CTSH: variants seen among roughly 807,000 people sequenced by gnomAD.
CTSH encodes pro-cathepsin H.
A neutral mutation model predicts 56.3 loss-of-function variants in CTSH; 52 were observed. The observed-to-expected ratio is 0.92, with a 90% CI of 0.74 to 1.16. The LOEUF (loss-of-function observed/expected upper bound fraction) is 1.16, where lower values mean the gene tolerates loss of function less well. Among genes scored for constraint, CTSH ranks in the 50% most tolerant of loss-of-function variants. The probability of loss-of-function intolerance (pLI) is 0.00; values close to 1 mark genes in which losing one functional copy is unlikely to be tolerated. For synonymous variants in CTSH, 174 were observed against 155.7 expected (o/e 1.12, Z -0.88); for missense variants, 406 against 424.5 (o/e 0.96, Z 0.38).
At chr15:78,923,631 C>G (rs1212801394) in intron 10 of CTSH, among the ~76,000 whole-genome samples, 2 of 152,138 alleles carry the variant, frequency 1.3e-5, no homozygotes, top group Admixed American at 6.5e-5. Context: ...AGGAGAATCT[C>G]CATATGGTGC....
intron 3 of CTSH, 45 bp downstream of exon 3, chr15:78,937,273 A>T: frequency 6.5e-7 from 1 of 1,544,758 alleles, no homozygotes; most frequent in Non-Finnish European, 8.9e-7. Flanking sequence ...GGGCTGGGTC[A>T]CTAACTGACA....
chr15:78,931,381 A>G, intron 7 of CTSH, 70 bp downstream of exon 7: 4 of 1,594,296 alleles, frequency 2.5e-6, no homozygotes, highest in Non-Finnish European at 3.4e-6. Context: ...GACCCAGCAC[A>G]CACTGGATCC....
intron 10 of CTSH, among the ~76,000 whole-genome samples, chr15:78,924,096 C>CGG (rs71148579): frequency 2.7e-4 from 7 of 26,194 alleles, no homozygotes; most frequent in African/African-American, 6.5e-4. Flanking sequence ...TCCAACCCAG[C>CGG]GGGGGGGGGG....
At chr15:78,938,033 G>C (rs1188877984) in intron 2 of CTSH, among the ~76,000 whole-genome samples, 2 of 151,602 alleles carry the variant, frequency 1.3e-5, no homozygotes, top group East Asian at 4.2e-4. Flanking sequence ...GCTTACTACA[G>C]TTGAATCTAC....
intron 3 of CTSH, 194 bp downstream of exon 3, chr15:78,937,124 T>TA (rs1199161093): frequency 1.7e-6 from 1 of 581,598 alleles, no homozygotes; most frequent in African/African-American, 1.9e-5. Flanking sequence ...CCCAGAGGGG[T>TA]ACCGGCTTTG....
Position 78,937,438 on chromosome 15 carries a change from G to A in CTSH, c.124-15C>T, listed in dbSNP as rs756970564. Reference sequence around the variant, plus strand: ...GTCTTACGGTGCTAAAACAAAACACGCCAGTAGCAAGTCATGGAAACAGGC... The same window carrying A: ...GTCTTACGGTGCTAAAACAAAACACACCAGTAGCAAGTCATGGAAACAGGC... On this transcript the variant is annotated splice_polypyrimidine_tract_variant and intron_variant, in intron 2 of 11. Coordinates refer to ENST00000220166, the MANE Select transcript of CTSH (RefSeq NM_004390.5). 9 of 1,603,454 alleles carry A rather than the reference G, an allele frequency of 5.6e-6. No homozygotes were observed. The East Asian group carries it at 6.7e-5, about 12-fold the overall frequency.
At chr15:78,929,060 C>T (rs548672843) in intron 8 of CTSH, among the ~76,000 whole-genome samples, 1 of 151,742 alleles carries the variant, frequency 6.6e-6, no homozygotes, top group Admixed American at 6.6e-5. Context: ...CACAAGAGGC[C>T]AACTGCATGG....
At chr15:78,925,684 A>G (rs2054889303) in intron 9 of CTSH, 1 of 431,008 alleles carries the variant, frequency 2.3e-6, no homozygotes, top group Non-Finnish European at 4.4e-6. Context: ...CACGGGGTAC[A>G]GCGTGGACCT....
At chr15:78,934,805 A>T in intron 5 of CTSH, 173 bp downstream of exon 5, 1 of 700,864 alleles carries the variant, frequency 1.4e-6, no homozygotes, top group Non-Finnish European at 2.6e-6. Flanking sequence ...CAGCCTAGAG[A>T]AGTGCTGACC....
In CTSH at chr15:78,921,708, G is replaced by A. The variant is rs2054771175; in HGVS notation, c.*422C>T. 1 of 160,370 alleles carries A rather than the reference G, an allele frequency of 6.2e-6. No homozygotes were observed. Among genetic ancestry groups the A allele is most frequent in the African/African-American group, 2.4e-5 (1 of 41,670 alleles). The allele number at this position is 160,370 out of a possible 1,614,324, so 9.9% of individuals were successfully genotyped here. ...GGACACCCCCTGATGCCTCCCTCCTGGGAGACTGAGTGGCGAGGACAGACC... is the reference window on the plus strand; with the variant it reads ...GGACACCCCCTGATGCCTCCCTCCTAGGAGACTGAGTGGCGAGGACAGACC... On this transcript the variant is annotated 3_prime_UTR_variant, in exon 12 of 12. Coordinates refer to ENST00000220166, the MANE Select transcript of CTSH (RefSeq NM_004390.5).
At chr15:78,943,841 G>T (rs1349904223) in intron 1 of CTSH, among the ~76,000 whole-genome samples, 1 of 152,262 alleles carries the variant, frequency 6.6e-6, no homozygotes, top group Non-Finnish European at 1.5e-5. Context: ...CTCAGCGCCA[G>T]CCTTCTCCAG....
At position 78,927,595 on chromosome 15, in the gene CTSH, G is replaced by A. The variant is rs112573194; in HGVS notation, c.699+118C>T. 20 of 877,442 alleles carry A rather than the reference G, an allele frequency of 2.3e-5. 1 individual carries two copies. The highest frequency in any genetic ancestry group is 1.6e-4 in the African/African-American group (10 of 61,024). The allele number at this position is 877,442 out of a possible 1,614,324, so 54.4% of individuals were successfully genotyped here. A position where few individuals can be genotyped will look rare whatever the true frequency, so the allele number is the denominator to read the frequency against. On this transcript the variant is annotated intron_variant, in intron 9 of 11. Coordinates refer to ENST00000220166, the MANE Select transcript of CTSH (RefSeq NM_004390.5). ...TGAGACCCAGGGATAATATGAACTC[G>A]TCAAAGGGATGTGCTGCCAGAAGGG...
rs1406607228 is a variant in CTSH, at chr15:78,923,138, AAG to A, written c.807-22_807-21del. ...GAAGTACTGGAAAACAAAATTCAAA[AAG>A]AGGTGATCATATGGGAAGGATAAAA... On this transcript the variant is annotated intron_variant, in intron 10 of 11. Transcript: ENST00000220166. 6.2e-7 allele frequency: 1 copy of A among 1,612,784 alleles called. No individual in the cohort carries two copies.
rs146346702 is a variant in CTSH at position 78,933,606 on chromosome 15, G to A, written c.406-1148C>T. The A allele has an allele frequency of 5.8e-4, 259 of 446,090 alleles. 4 individuals are homozygous for A. In the East Asian group the frequency reaches 0.014, roughly 24 times the overall value. The allele number at this position is 446,090 out of a possible 1,614,324, so 27.6% of individuals were successfully genotyped here. A position where few individuals can be genotyped will look rare whatever the true frequency, so the allele number is the denominator to read the frequency against. On this transcript the variant is annotated intron_variant, in intron 5 of 11. Coordinates refer to ENST00000220166, the MANE Select transcript of CTSH (RefSeq NM_004390.5). ...TGAGAGGGTCCATGAGACAGTCAAC[G>A]AGGCAGACGTGGCCACTTCGGGGGA...
chr15:78,931,677 G>A (rs745885164), intron 6 of CTSH, 171 bp from the exon 7 acceptor site: 1 of 1,476,522 alleles, frequency 6.8e-7, no homozygotes, highest in Non-Finnish European at 9.0e-7. Context: ...ATGTCCTGCA[G>A]TGCCAGCCCA....
chr15:78,931,776 C>T (rs937883140), intron 6 of CTSH: 2 of 1,388,102 alleles, frequency 1.4e-6, no homozygotes, highest in Admixed American at 5.9e-5. Context: ...CAAACCCCTG[C>T]CCCGTAGGTG....
At chr15:78,938,344 G>C (rs536318684) in intron 2 of CTSH, among the ~76,000 whole-genome samples, 1 of 152,022 alleles carries the variant, frequency 6.6e-6, no homozygotes, top group African/African-American at 2.4e-5. Flanking sequence ...ACTTCAGCCT[G>C]GGTGACAAAG....
intron 5 of CTSH, chr15:78,933,476 G>A: frequency 4.6e-6 from 2 of 437,798 alleles, no homozygotes; most frequent in Non-Finnish European, 9.2e-6. Context: ...TGTCTCTTAA[G>A]TCCCCTACCT....
intron 11 of CTSH, 85 bp from the exon 12 acceptor site, chr15:78,922,290 G>A: frequency 1.9e-6 from 2 of 1,074,566 alleles, no homozygotes; most frequent in Non-Finnish European, 2.8e-6. Flanking sequence ...ACCAAGAGCT[G>A]ACTTCAGGGG....
Sources: gnomAD v4.1 joint callset for allele counts (sites outside exome capture counted in the v4.1 genomes callset) on GRCh38, gnomAD v4.1.1 for gene constraint, MANE v1.5 for transcripts, NCBI Gene and HGNC (gene_info 2026-07-23, HGNC 2026-07-21) for gene names.